The following GABRG3 variants were observed in gnomAD, a reference collection of about 807,000 sequenced individuals.
The protein encoded by GABRG3 is gamma-aminobutyric acid receptor subunit gamma-3.
In GABRG3, 25 loss-of-function variants were observed where a neutral mutation model predicts 48.8. The observed-to-expected ratio is 0.51, with a 90% CI of 0.37 to 0.72. The LOEUF is 0.72. Among genes scored for constraint, GABRG3 ranks in the 30% least tolerant of loss-of-function variants. The pLI, the probability that GABRG3 is intolerant of heterozygous loss-of-function variation, is 0.00. For missense variants in GABRG3, 394 were observed against 577.9 expected, an observed-to-expected ratio of 0.68 and a Z score of 3.26; for synonymous variants, 227 against 217.6, an observed-to-expected ratio of 1.04 and a Z score of -0.38.
chr15:27,312,357 AAG>A (rs1893025296), intron 3 of GABRG3, among the ~76,000 whole-genome samples: 2 of 152,122 alleles, frequency 1.3e-5, no homozygotes, highest in South Asian at 4.2e-4. Flanking sequence ...GAAGAAGAGA[AAG>A]AGAAACACCA....
intron 3 of GABRG3, among the ~76,000 whole-genome samples, chr15:27,193,037 C>T (rs534047092): frequency 5.3e-5 from 8 of 152,270 alleles, no homozygotes; most frequent in East Asian, 1.9e-4. Flanking sequence ...AGTGGTTTTT[C>T]GTGAACCGCG....
At chr15:27,307,789 T>TATATATAAAATAAACATAAAC (rs1393381027) in intron 3 of GABRG3, among the ~76,000 whole-genome samples, 6 of 67,838 alleles carry the variant, frequency 8.8e-5, no homozygotes, top group Admixed American at 2.9e-4. Flanking sequence ...TATATAAACA[T>TATATATAAAATAAACATAAAC]ATATATAAAA....
intron 6 of GABRG3, among the ~76,000 whole-genome samples, chr15:27,482,652 A>AGAC (rs10667246): frequency 0.6 from 90,606 of 151,736 alleles, 27,514 homozygotes; most frequent in African/African-American, 0.7. Flanking sequence ...TTTTCCAAGA[A>AGAC]TAAAGCATTT....
At chr15:27,484,796 T>G (rs28384260) in intron 6 of GABRG3, among the ~76,000 whole-genome samples, 14,456 of 152,178 alleles carry the variant, frequency 0.095, 1,278 homozygotes, top group African/African-American at 0.23. Flanking sequence ...AACTAAAAGA[T>G]ATCACAATGG....
At position 27,057,747 on chromosome 15, in the gene GABRG3, A is replaced by G. The variant is rs59270890; in HGVS notation, c.270+30926A>G. ...TTATTCTTTGGAAATCTATCATACC[A>G]GCAGGTGGAATCGGTGTAGTTCAGG... On this transcript the variant is annotated intron_variant, in intron 3 of 9. Coordinates refer to ENST00000615808, the MANE Select transcript of GABRG3 (RefSeq NM_033223.5). Among the ~76,000 whole-genome samples the G allele has an allele frequency of 0.011, 1,679 of 152,318 alleles. 101 individuals are homozygous for G. In the East Asian group the frequency reaches 0.17, roughly 15 times the overall value.
At chr15:27,477,414 A>G (rs1027624531) in intron 5 of GABRG3, among the ~76,000 whole-genome samples, 1 of 152,188 alleles carries the variant, frequency 6.6e-6, no homozygotes, top group Non-Finnish European at 1.5e-5. Flanking sequence ...GCTGCAGGGA[A>G]GGGTTGGAGG....
At chr15:27,128,536 A>G (rs778012612) in intron 3 of GABRG3, among the ~76,000 whole-genome samples, 4 of 152,188 alleles carry the variant, frequency 2.6e-5, no homozygotes, top group Non-Finnish European at 5.9e-5. Flanking sequence ...TAGTGTGTGA[A>G]TGTTTTACAG....
chr15:27,228,597 C>T (rs1036260066), intron 3 of GABRG3, among the ~76,000 whole-genome samples: 1 of 152,086 alleles, frequency 6.6e-6, no homozygotes, highest in Non-Finnish European at 1.5e-5. Flanking sequence ...GGGATTGCTG[C>T]GTTGAATGGT....
intron 6 of GABRG3, among the ~76,000 whole-genome samples, chr15:27,493,740 T>C (rs1890414107): frequency 6.6e-6 from 1 of 152,218 alleles, no homozygotes; most frequent in Non-Finnish European, 1.5e-5. Context: ...ACAGAATCGA[T>C]AGTCTCAACA....
At chr15:27,167,247 C>G (rs1045160697) in intron 3 of GABRG3, among the ~76,000 whole-genome samples, 2 of 152,220 alleles carry the variant, frequency 1.3e-5, no homozygotes, top group Admixed American at 6.5e-5. Flanking sequence ...CTTTTCCTCT[C>G]TTTCCACATC....
At position 27,328,859 on chromosome 15, in the gene GABRG3, A is replaced by T. The variant is rs1038456696; in HGVS notation, c.545A>T (p.Glu182Val). 6.8e-6 allele frequency: 11 copies of T among 1,613,906 alleles called. No individual in the cohort carries two copies. The highest frequency in any genetic ancestry group is 9.3e-6 in the Non-Finnish European group (11 of 1,179,910). The part of the protein sequence containing the change: ...QLQLHNFPMD[E>V]HSCPLIFSSY... ...CAGCTGCACAACTTCCCCATGGACGAACACTCCTGCCCGCTGATTTTCTCC... is the reference window on the plus strand; with the variant it reads ...CAGCTGCACAACTTCCCCATGGACGTACACTCCTGCCCGCTGATTTTCTCC... Residue 182 changes from glutamate (E) to valine (V), a missense_variant, in exon 5 of 10, where the codon GAA (glutamate) becomes GTA (valine). Glu to Val is a moderately radical substitution (Grantham distance 121, BLOSUM62 -2). Coordinates refer to ENST00000615808, the MANE Select transcript of GABRG3 (RefSeq NM_033223.5).
In GABRG3 at chr15:27,008,309, C is replaced by T. The variant is rs150234188; in HGVS notation, c.203-18445C>T. ...ATCTGGAAGGTTAAACATGAGCCCA[C>T]GTGGCTAAAAAGAGTAACTCACTCT... On this transcript the variant is annotated intron_variant, in intron 2 of 9. Transcript: ENST00000615808. 1.7e-3 allele frequency among the ~76,000 whole-genome samples: 266 copies of T among 152,280 alleles called. 1 individual carries two copies. Among genetic ancestry groups the T allele is most frequent in the African/African-American group, 6.1e-3 (252 of 41,556 alleles).
intron 3 of GABRG3, among the ~76,000 whole-genome samples, chr15:27,264,121 GGGA>G (rs1890849504): frequency 6.6e-6 from 1 of 151,972 alleles, no homozygotes; most frequent in African/African-American, 2.4e-5. Context: ...TAACAGCAGA[GGGA>G]GGATCTAGAA....
chr15:27,502,200 T>C (rs1890657668), intron 6 of GABRG3, among the ~76,000 whole-genome samples: 1 of 152,252 alleles, frequency 6.6e-6, no homozygotes, highest in Non-Finnish European at 1.5e-5. Flanking sequence ...TTTATTTTCA[T>C]TCAGTGTTTG....
At chr15:27,465,133 C>T (rs1889566368) in intron 5 of GABRG3, among the ~76,000 whole-genome samples, 1 of 152,218 alleles carries the variant, frequency 6.6e-6, no homozygotes, top group South Asian at 2.1e-4. Flanking sequence ...AAGCTGCTGC[C>T]TCTCTCAGCT....
intron 7 of GABRG3, 112 bp downstream of exon 7, chr15:27,520,236 G>T: frequency 9.0e-7 from 1 of 1,110,100 alleles, no homozygotes; most frequent in South Asian, 1.5e-5. Context: ...CTCATTTGAG[G>T]GTGACTTGAA....
chr15:27,111,155 T>G (rs1307878940), intron 3 of GABRG3, among the ~76,000 whole-genome samples: 1 of 152,236 alleles, frequency 6.6e-6, no homozygotes, highest in East Asian at 1.9e-4. Flanking sequence ...TCAGTGATTC[T>G]TTCCTCATCT....
chr15:27,309,426 A>G (rs1892921464), intron 3 of GABRG3, among the ~76,000 whole-genome samples: 1 of 151,940 alleles, frequency 6.6e-6, no homozygotes, highest in African/African-American at 2.4e-5. Flanking sequence ...GCCTATGCAA[A>G]TCAGTTTTGA....
intron 3 of GABRG3, among the ~76,000 whole-genome samples, chr15:27,272,876 A>T (rs1328395050): frequency 6.6e-5 from 10 of 152,270 alleles, no homozygotes; most frequent in Non-Finnish European, 1.3e-4. Context: ...AAAATATTTT[A>T]CCATTGAAAC....
Sources: allele counts gnomAD v4.1 joint callset (sites outside exome capture counted in the v4.1 genomes callset), GRCh38; gene constraint gnomAD v4.1.1; transcripts MANE v1.5; gene names NCBI Gene and HGNC (gene_info 2026-07-23, HGNC 2026-07-21).